ATP9B: variants seen among roughly 807,000 people sequenced by gnomAD.
ATP9B encodes ATPase phospholipid transporting 9B.
In ATP9B, 110 loss-of-function variants were observed where a neutral mutation model predicts 146.1. That is an observed-to-expected ratio of 0.75 (90% CI 0.65 to 0.88). ATP9B has a LOEUF of 0.88. Among genes scored for constraint, ATP9B ranks in the 40% least tolerant of loss-of-function variants. The pLI, the probability that ATP9B is intolerant of heterozygous loss-of-function variation, is 0.00. For missense variants in ATP9B, 1,499 were observed against 1,496.4 expected (o/e 1.00, Z -0.03); for synonymous variants, 604 against 569.7 (o/e 1.06, Z -0.86).
At chr18:79,219,587 T>C (rs2095659168) in intron 11 of ATP9B, among the ~76,000 whole-genome samples, 1 of 152,194 alleles carries the variant, frequency 6.6e-6, no homozygotes, top group Admixed American at 6.5e-5. Context: ...ACAGGAACTA[T>C]GGCATTACTT....
At chr18:79,302,267 G>A (rs941151563) in intron 13 of ATP9B, among the ~76,000 whole-genome samples, 2 of 152,170 alleles carry the variant, frequency 1.3e-5, no homozygotes, top group African/African-American at 4.8e-5. Flanking sequence ...AATAAGTGCA[G>A]AAACCTCCCT....
At chr18:79,261,027 T>C (rs1052745057) in intron 12 of ATP9B, among the ~76,000 whole-genome samples, 3 of 152,258 alleles carry the variant, frequency 2.0e-5, no homozygotes, top group African/African-American at 7.2e-5. Context: ...GGAACTTAGG[T>C]CCCAGCATGG....
intron 5 of ATP9B, 109 bp downstream of exon 5, chr18:79,126,484 A>G: frequency 4.0e-6 from 3 of 749,744 alleles, no homozygotes; most frequent in Non-Finnish European, 6.4e-6. Context: ...TGAAAATAGT[A>G]TTATGTGATT....
intron 3 of ATP9B, among the ~76,000 whole-genome samples, chr18:79,111,933 A>G (rs1356084531): frequency 6.6e-6 from 1 of 152,204 alleles, no homozygotes; most frequent in Non-Finnish European, 1.5e-5. Flanking sequence ...GGCAATTTCT[A>G]AGTTGCTAAT....
intron 7 of ATP9B, among the ~76,000 whole-genome samples, chr18:79,162,382 C>T (rs761993252): frequency 6.6e-6 from 1 of 152,180 alleles, no homozygotes; most frequent in Non-Finnish European, 1.5e-5. Flanking sequence ...TCAATTACTT[C>T]ATCACTTTCT....
At chr18:79,293,995 A>T (rs753997591) in intron 13 of ATP9B, among the ~76,000 whole-genome samples, 20 of 152,140 alleles carry the variant, frequency 1.3e-4, no homozygotes, top group Non-Finnish European at 1.9e-4. Context: ...AGCAGCAGTA[A>T]GAAGCAAAGT....
intron 2 of ATP9B, among the ~76,000 whole-genome samples, chr18:79,097,583 A>T (rs1599517169): frequency 9.3e-6 from 1 of 107,768 alleles, no homozygotes; most frequent in Non-Finnish European, 1.7e-5. Context: ...TGTCCATGTG[A>T]TCTCATTGTT....
Position 79,113,335 on chromosome 18 carries a change from A to G in ATP9B, c.539A>G (p.Tyr180Cys), listed in dbSNP as rs2094006079. The change falls in exon 4 of 30, where the codon TAC becomes TGC. Residue 180 changes from tyrosine to cysteine, a missense_variant. Tyr to Cys is a radical substitution (Grantham distance 194). Transcript: ENST00000426216. ...CCAGCATTGAAAATAGGCTATCTCT[A>G]CACCTACTGGGCTCCTCTGGTAAGA... is the stretch of plus-strand genomic sequence containing the variant. ...FVPALKIGYLYTYWAPLGFVL... is the reference protein window; with the variant it reads ...FVPALKIGYLCTYWAPLGFVL... 2.5e-6 allele frequency: 4 copies of G among 1,569,952 alleles called. No homozygotes were observed. Among genetic ancestry groups the G allele is most frequent in the Non-Finnish European group, 3.5e-6 (4 of 1,143,452 alleles).
In ATP9B at chr18:79,285,419, C is replaced by A. The variant is rs140863474; in HGVS notation, c.1411+8223C>A. ...TGTCTCTTGGCTGCATAAATGTCTT[C>A]TTTTGAGAAGTGCCTGTTCATGTCC... is the stretch of plus-strand genomic sequence containing the variant. On this transcript the variant is annotated intron_variant, in intron 13 of 29. Coordinates refer to ENST00000426216, the MANE Select transcript of ATP9B (RefSeq NM_198531.5). Among the ~76,000 whole-genome samples, 995 of 152,300 alleles carry A rather than the reference C, an allele frequency of 6.5e-3. 5 individuals are homozygous for A. Among genetic ancestry groups the A allele is most frequent in the African/African-American group, 0.022 (930 of 41,552 alleles).
intron 6 of ATP9B, 161 bp downstream of exon 6, chr18:79,144,021 TG>T: frequency 2.1e-6 from 1 of 475,852 alleles, no homozygotes; most frequent in Middle Eastern, 5.5e-4. Flanking sequence ...TCTAGATTTT[TG>T]TATATTGTTT....
intron 4 of ATP9B, among the ~76,000 whole-genome samples, chr18:79,116,953 AAAAG>A (rs1174450197): frequency 9.5e-4 from 90 of 95,132 alleles, no homozygotes; most frequent in East Asian, 3.8e-3. Context: ...AAAAAAAAAA[AAAAG>A]AAATAATGAT....
chr18:79,355,221 G>A (rs1315166338), intron 25 of ATP9B, among the ~76,000 whole-genome samples: 1 of 152,246 alleles, frequency 6.6e-6, no homozygotes. Context: ...GGAATGTCAG[G>A]GGTTTCCATC....
intron 1 of ATP9B, among the ~76,000 whole-genome samples, chr18:79,094,166 C>T (rs1309986644): frequency 1.3e-5 from 2 of 152,106 alleles, no homozygotes; most frequent in African/African-American, 2.4e-5. Flanking sequence ...TGCTCCCCGC[C>T]AGTGCTTGTC....
chr18:79,101,805 ATG>A (rs1157715836), intron 2 of ATP9B, among the ~76,000 whole-genome samples: 1 of 152,010 alleles, frequency 6.6e-6, no homozygotes, highest in African/African-American at 2.4e-5. Flanking sequence ...TCATAAGTAA[ATG>A]TTTTTCCATC....
At chr18:79,286,213 C>T (rs1365139412) in intron 13 of ATP9B, among the ~76,000 whole-genome samples, 6 of 151,854 alleles carry the variant, frequency 4.0e-5, no homozygotes, top group African/African-American at 4.8e-5. Context: ...TTGGGCAGTA[C>T]GGCCATTTTC....
intron 12 of ATP9B, among the ~76,000 whole-genome samples, chr18:79,260,015 T>A (rs568169350): frequency 3.5e-4 from 54 of 152,296 alleles, no homozygotes; most frequent in African/African-American, 1.3e-3. Context: ...ATTGGGAGAT[T>A]CACTGTTTGG....
chr18:79,231,296 GAA>G (rs960898476), intron 11 of ATP9B, among the ~76,000 whole-genome samples: 6 of 149,030 alleles, frequency 4.0e-5, no homozygotes, highest in Non-Finnish European at 8.9e-5. Flanking sequence ...AAGTCATCAA[GAA>G]AAAAAAACAA....
intron 11 of ATP9B, among the ~76,000 whole-genome samples, chr18:79,222,152 A>G (rs2095686317): frequency 6.6e-6 from 1 of 151,870 alleles, no homozygotes; most frequent in African/African-American, 2.4e-5. Flanking sequence ...TTAGACAGGC[A>G]GAGACCACCA....
intron 9 of ATP9B, among the ~76,000 whole-genome samples, chr18:79,205,455 AT>A (rs1345426499): frequency 6.6e-6 from 1 of 152,138 alleles, no homozygotes; most frequent in Non-Finnish European, 1.5e-5. Context: ...TATGTTTTCA[AT>A]TTCTTTCCTT....
Sources: gnomAD v4.1 joint callset for allele counts (sites outside exome capture counted in the v4.1 genomes callset) on GRCh38, gnomAD v4.1.1 for gene constraint, MANE v1.5 for transcripts, NCBI Gene and HGNC (gene_info 2026-07-23, HGNC 2026-07-21) for gene names.